The following PLPP4 variants were observed in gnomAD, a reference collection of about 807,000 sequenced individuals.
PLPP4 encodes the protein phospholipid phosphatase 4.
PLPP4 carries 20 observed loss-of-function variants against 32.2 expected under a neutral mutation model. That is an observed-to-expected ratio of 0.62 (90% CI 0.44 to 0.90). The LOEUF (loss-of-function observed/expected upper bound fraction) is 0.90, where lower values mean the gene tolerates loss of function less well. Among genes scored for constraint, PLPP4 ranks in the 40% least tolerant of loss-of-function variants. The pLI is 0.00. For synonymous variants in PLPP4, 127 were observed against 133.0 expected (o/e 0.95, Z 0.31); for missense variants, 257 against 353.1 (o/e 0.73, Z 2.18).
intron 6 of PLPP4, among the ~76,000 whole-genome samples, chr10:120,586,152 AGAGATG>A (rs1849746237): frequency 1.4e-5 from 2 of 145,590 alleles, no homozygotes; most frequent in Non-Finnish European, 3.0e-5. Context: ...TTTTTTTTAA[AGAGATG>A]GAGACTTGCT....
At chr10:120,558,644 C>T (rs776334373) in intron 5 of PLPP4, among the ~76,000 whole-genome samples, 4 of 152,078 alleles carry the variant, frequency 2.6e-5, no homozygotes, top group Non-Finnish European at 5.9e-5. Context: ...TCGAAGTCCT[C>T]ACCTTAAAGT....
At chr10:120,479,025 G>C (rs994540873) in intron 1 of PLPP4, among the ~76,000 whole-genome samples, 6 of 152,288 alleles carry the variant, frequency 3.9e-5, no homozygotes, top group Admixed American at 6.5e-5. Context: ...AGGAGATCGA[G>C]ACCATCCTGG....
At chr10:120,516,159 C>T (rs558478114) in intron 3 of PLPP4, among the ~76,000 whole-genome samples, 11 of 152,062 alleles carry the variant, frequency 7.2e-5, no homozygotes, top group South Asian at 6.2e-4. Flanking sequence ...TAGGAAGCCT[C>T]GGAAGTAGCG....
At chr10:120,481,781 T>G (rs1345636455) in intron 1 of PLPP4, among the ~76,000 whole-genome samples, 2 of 152,170 alleles carry the variant, frequency 1.3e-5, no homozygotes, top group Admixed American at 6.6e-5. Flanking sequence ...ACTGATACGG[T>G]TTGACTGTGT....
chr10:120,535,350 C>T (rs578123296), intron 5 of PLPP4, among the ~76,000 whole-genome samples: 38 of 151,956 alleles, frequency 2.5e-4, no homozygotes, highest in African/African-American at 9.2e-4. Flanking sequence ...ACTCTCTTGA[C>T]ATTTATTGAG....
In PLPP4 at chr10:120,589,807, G is replaced by T. The variant is rs1849938384; in HGVS notation, c.*305G>T. Reference sequence around the variant, plus strand: ...TTTGCTGTAACAGCCACCTTCCTATGTTTTCATGGTTGTAAAACATAATAA... The same window carrying T: ...TTTGCTGTAACAGCCACCTTCCTATTTTTTCATGGTTGTAAAACATAATAA... On this transcript the variant is annotated 3_prime_UTR_variant, in exon 7 of 7. Transcript: ENST00000398250. 6.2e-6 allele frequency: 2 copies of T among 322,442 alleles called. No homozygotes were observed. Among genetic ancestry groups the T allele is most frequent in the Non-Finnish European group, 5.7e-6 (1 of 174,590 alleles). The allele number at this position is 322,442 out of a possible 1,614,324, so 20.0% of individuals were successfully genotyped here.
chr10:120,457,124 G>A (rs1003834597), upstream of PLPP4: 4 of 256,298 alleles, frequency 1.6e-5, no homozygotes, highest in Non-Finnish European at 2.9e-5. Flanking sequence ...CGGAGCCCGA[G>A]GCGCGAGGTT....
intron 5 of PLPP4, among the ~76,000 whole-genome samples, chr10:120,527,867 G>C (rs1205616009): frequency 2.0e-5 from 3 of 152,096 alleles, no homozygotes; most frequent in Non-Finnish European, 4.4e-5. Flanking sequence ...TCTATGCCAG[G>C]TTTAATGCCA....
intron 5 of PLPP4, among the ~76,000 whole-genome samples, chr10:120,527,008 C>T (rs1476219428): frequency 1.3e-5 from 2 of 152,210 alleles, no homozygotes; most frequent in Non-Finnish European, 2.9e-5. Flanking sequence ...TCAGGTGCTC[C>T]GAGATGGAAT....
chr10:120,517,379 G>A (rs4751788), intron 3 of PLPP4, among the ~76,000 whole-genome samples: 131,314 of 152,226 alleles, frequency 0.86, 58,134 homozygotes, highest in Non-Finnish European at 0.95. Flanking sequence ...GCCTTTTGGA[G>A]ACAGGCCTCT....
chr10:120,510,752 A>G (rs894306395), intron 2 of PLPP4, among the ~76,000 whole-genome samples: 2 of 152,176 alleles, frequency 1.3e-5, no homozygotes, highest in East Asian at 1.9e-4. Context: ...TCTTAATTCC[A>G]ACTTTCATTT....
chr10:120,534,962 C>G (rs1846944005), intron 5 of PLPP4, among the ~76,000 whole-genome samples: 1 of 152,108 alleles, frequency 6.6e-6, no homozygotes, highest in Admixed American at 6.6e-5. Context: ...CAGGCAGTTT[C>G]TGTTGCCTCC....
chr10:120,568,800 A>T (rs987459941), intron 5 of PLPP4, among the ~76,000 whole-genome samples: 6 of 152,226 alleles, frequency 3.9e-5, no homozygotes, highest in African/African-American at 7.2e-5. Flanking sequence ...TAAGATGCTC[A>T]GATATGCAAA....
intron 5 of PLPP4, among the ~76,000 whole-genome samples, chr10:120,546,444 T>G (rs1847624374): frequency 1.3e-5 from 2 of 152,188 alleles, no homozygotes; most frequent in Non-Finnish European, 1.5e-5. Context: ...TCACTCAGAA[T>G]CACTCATCAA....
chr10:120,556,440 T>C (rs992908491), intron 5 of PLPP4, among the ~76,000 whole-genome samples: 1 of 152,226 alleles, frequency 6.6e-6, no homozygotes, highest in African/African-American at 2.4e-5. Context: ...TGTCTGTTTG[T>C]GAATGCAGGG....
chr10:120,508,597 G>T (rs1244966947), intron 2 of PLPP4, among the ~76,000 whole-genome samples: 2 of 152,182 alleles, frequency 1.3e-5, no homozygotes, highest in African/African-American at 4.8e-5. Flanking sequence ...GCAGTGTGGT[G>T]CATGGTGCCT....
intron 6 of PLPP4, chr10:120,580,982 G>C: frequency 1.6e-6 from 2 of 1,289,158 alleles, no homozygotes; most frequent in South Asian, 2.5e-5. Flanking sequence ...TCTGAACCTT[G>C]ACTGCCCATC....
chr10:120,530,110 C>T (rs1318691184), intron 5 of PLPP4, among the ~76,000 whole-genome samples: 2 of 152,224 alleles, frequency 1.3e-5, no homozygotes, highest in Admixed American at 1.3e-4. Context: ...TTTCTCACCA[C>T]CATTCAATGA....
intron 5 of PLPP4, among the ~76,000 whole-genome samples, chr10:120,528,983 T>G (rs1846566018): frequency 6.6e-6 from 1 of 152,138 alleles, no homozygotes. Flanking sequence ...ATGTTTTTTT[T>G]TTTTCCCTAA....
Sources: gnomAD v4.1 joint callset for allele counts (sites outside exome capture counted in the v4.1 genomes callset) on GRCh38, gnomAD v4.1.1 for gene constraint, MANE v1.5 for transcripts, NCBI Gene and HGNC (gene_info 2026-07-23, HGNC 2026-07-21) for gene names.